The following HORMAD2 variants were observed in gnomAD, a reference collection of about 807,000 sequenced individuals.
HORMAD2 encodes the protein HORMA domain containing 2.
HORMAD2 carries 45 observed loss-of-function variants against 38.8 expected under a neutral mutation model. That is an observed-to-expected ratio of 1.16 (90% CI 0.91 to 1.49). The LOEUF (loss-of-function observed/expected upper bound fraction) is 1.49. Ranked by LOEUF, HORMAD2 falls within the 40% of genes most tolerant of loss-of-function variation. The probability of loss-of-function intolerance (pLI) is 0.00; values close to 1 mark genes in which losing one functional copy is unlikely to be tolerated. For missense variants in HORMAD2, 338 were observed against 367.0 expected (o/e 0.92, Z 0.65); for synonymous variants, 126 against 122.8 (o/e 1.03, Z -0.17).
chr22:30,167,312 C>T (rs34474867), intron 10 of HORMAD2, among the ~76,000 whole-genome samples: 13,482 of 152,164 alleles, frequency 0.089, 1,034 homozygotes, highest in South Asian at 0.23. Context: ...TCTGTAGAGA[C>T]GCCCCCCTTT....
intron 10 of HORMAD2, among the ~76,000 whole-genome samples, chr22:30,147,314 G>A (rs1924476041): frequency 6.6e-6 from 1 of 152,070 alleles, no homozygotes; most frequent in South Asian, 2.1e-4. Context: ...GAGTTCAGAA[G>A]TAGACCCACA....
chr22:30,117,454 GTTATT>G (rs66671603), intron 7 of HORMAD2, among the ~76,000 whole-genome samples: 22,218 of 151,274 alleles, frequency 0.15, 3,402 homozygotes, highest in African/African-American at 0.38. Context: ...ATTTAATTTA[GTTATT>G]TTATTTATTT....
chr22:30,150,965 A>C (rs538720974), intron 10 of HORMAD2, among the ~76,000 whole-genome samples: 1 of 152,302 alleles, frequency 6.6e-6, no homozygotes, highest in East Asian at 1.9e-4. Context: ...TGGGGAGGGA[A>C]TCTGAAGATT....
intron 7 of HORMAD2, among the ~76,000 whole-genome samples, chr22:30,118,409 G>A (rs1166899791): frequency 6.6e-6 from 1 of 152,090 alleles, no homozygotes; most frequent in Non-Finnish European, 1.5e-5. Context: ...CTTCAGCAAG[G>A]CCTTCCTTGG....
At chr22:30,115,808 G>A (rs1921998063) in intron 7 of HORMAD2, among the ~76,000 whole-genome samples, 1 of 152,194 alleles carries the variant, frequency 6.6e-6, no homozygotes. Flanking sequence ...TGAAGAAGGA[G>A]GGATTGGATG....
chr22:30,163,584 G>A (rs191195671), intron 10 of HORMAD2, among the ~76,000 whole-genome samples: 6 of 151,784 alleles, frequency 4.0e-5, no homozygotes, highest in East Asian at 1.9e-4. Flanking sequence ...GTACCACCAC[G>A]CCCAGCTAAT....
At chr22:30,136,191 A>G (rs947619820) in intron 10 of HORMAD2, among the ~76,000 whole-genome samples, 7 of 152,234 alleles carry the variant, frequency 4.6e-5, no homozygotes, top group Non-Finnish European at 8.8e-5. Context: ...TGAAACATGC[A>G]ACAACATGGG....
chr22:30,114,665 C>T (rs1282578021), intron 7 of HORMAD2, among the ~76,000 whole-genome samples: 1 of 152,160 alleles, frequency 6.6e-6, no homozygotes, highest in Non-Finnish European at 1.5e-5. Context: ...CAAAAATACA[C>T]TAGACAGTTG....
intron 1 of HORMAD2, among the ~76,000 whole-genome samples, chr22:30,086,080 C>G (rs1271743774): frequency 6.6e-6 from 1 of 152,120 alleles, no homozygotes; most frequent in East Asian, 1.9e-4. Flanking sequence ...GTAGATTTCC[C>G]ACTTGCTGTT....
chr22:30,143,297 A>G (rs1287680628), intron 10 of HORMAD2, among the ~76,000 whole-genome samples: 1 of 152,154 alleles, frequency 6.6e-6, no homozygotes, highest in Non-Finnish European at 1.5e-5. Context: ...GGTTTGAATT[A>G]TTGTGTGTGA....
chr22:30,142,286 C>CA (rs1437567809), intron 10 of HORMAD2, among the ~76,000 whole-genome samples: 3 of 151,496 alleles, frequency 2.0e-5, no homozygotes, highest in Admixed American at 6.6e-5. Context: ...CTCCTTGACT[C>CA]AAAAAAAAGT....
the HORMAD2 span, among the ~76,000 whole-genome samples, chr22:30,182,465 GT>G: frequency 6.6e-6 from 1 of 152,196 alleles, no homozygotes; most frequent in Non-Finnish European, 1.5e-5. Flanking sequence ...CATGGCCACT[GT>G]GATTAACCAG....
Position 30,103,510 on chromosome 22 carries a change from AG to A in HORMAD2, c.257+11del, listed in dbSNP as rs1407834716. 1 of 1,403,616 alleles carries A rather than the reference AG, an allele frequency of 7.1e-7. No individual in the cohort carries two copies. The highest frequency in any genetic ancestry group is 9.9e-7 in the Non-Finnish European group (1 of 1,013,846). 86.9% of individuals were successfully genotyped at this position (1,403,616 alleles called of 1,614,324 possible). A position where few individuals can be genotyped will look rare whatever the true frequency, so the allele number is the denominator to read the frequency against. ...TGCATATTATCAGATGGTAAGTAAT[AG>A]AAATTCTATAAAAGTTGAACAACAT... On this transcript the variant is annotated intron_variant, in intron 4 of 10. Coordinates refer to ENST00000336726, the MANE Select transcript of HORMAD2 (RefSeq NM_152510.4).
At position 30,176,608 on chromosome 22, in the gene HORMAD2, G is replaced by A. The variant is rs1926473341; in HGVS notation, c.*441G>A. On this transcript the variant is annotated 3_prime_UTR_variant, in exon 11 of 11. Coordinates refer to ENST00000336726, the MANE Select transcript of HORMAD2 (RefSeq NM_152510.4). ...TAGCTGTATTAAAAATTCCCACAGA[G>A]TTGCATAGGATGTGTGGAGGTGCTT... is the stretch of plus-strand genomic sequence containing the variant. 6.4e-6 allele frequency: 1 copy of A among 156,190 alleles called. No homozygotes were observed. Among genetic ancestry groups the A allele is most frequent in the Admixed American group, 6.4e-5 (1 of 15,678 alleles). 9.7% of individuals were successfully genotyped at this position (156,190 alleles called of 1,614,324 possible).
At chr22:30,109,468 C>A (rs1382345953) in intron 5 of HORMAD2, among the ~76,000 whole-genome samples, 4 of 152,258 alleles carry the variant, frequency 2.6e-5, no homozygotes, top group Non-Finnish European at 5.9e-5. Context: ...CAAGTGTGCA[C>A]CACTATGCCT....
intron 7 of HORMAD2, among the ~76,000 whole-genome samples, chr22:30,114,867 G>A (rs746062062): frequency 4.6e-5 from 7 of 152,164 alleles, no homozygotes; most frequent in Admixed American, 2.0e-4. Context: ...GATGACCAAC[G>A]AAAGTAACTA....
At chr22:30,099,536 T>C (rs1920929643) in intron 3 of HORMAD2, among the ~76,000 whole-genome samples, 1 of 152,172 alleles carries the variant, frequency 6.6e-6, no homozygotes, top group African/African-American at 2.4e-5. Context: ...CTTAAACTTA[T>C]CATCTTATTG....
At chr22:30,099,047 G>C in intron 3 of HORMAD2, 54 bp downstream of exon 3, 1 of 1,503,570 alleles carries the variant, frequency 6.7e-7, no homozygotes, top group Non-Finnish European at 9.0e-7. Flanking sequence ...TCTCTATTTA[G>C]CAGGAATAAA....
At position 30,098,881 on chromosome 22, in the gene HORMAD2, T is replaced by G. The variant is rs754249389; in HGVS notation, c.81T>G (p.Asn27Lys). 11 of 1,612,088 alleles carry G rather than the reference T, an allele frequency of 6.8e-6. No homozygotes were observed. The highest frequency in any genetic ancestry group is 8.5e-6 in the Non-Finnish European group (10 of 1,178,886). Residue 27 changes from asparagine (N) to lysine (K), a missense_variant, in exon 3 of 11, where the codon AAT (asparagine) becomes AAG (lysine). By Grantham distance (94) the Asn-to-Lys change is moderately conservative. Transcript: ENST00000336726. ...KETVFPSQIT[N>K]EHESLKMVKK... Reference sequence around the variant, plus strand: ...CAGTTTTCCCATCCCAAATCACTAATGAGCATGAGTCATTGAAAATGGTGA... The same window carrying G: ...CAGTTTTCCCATCCCAAATCACTAAGGAGCATGAGTCATTGAAAATGGTGA...
Sources: allele counts gnomAD v4.1 joint callset (sites outside exome capture counted in the v4.1 genomes callset), GRCh38; gene constraint gnomAD v4.1.1; transcripts MANE v1.5; gene names NCBI Gene and HGNC (gene_info 2026-07-23, HGNC 2026-07-21).